BRINP1: variants seen among roughly 807,000 people sequenced by gnomAD.
The protein encoded by BRINP1 is BMP/retinoic acid-inducible neural-specific protein 1.
Under a neutral mutation model 72.9 loss-of-function variants are expected in BRINP1, and 17 were observed. The ratio of observed to expected loss-of-function variants is 0.23; its 90% CI spans 0.16 to 0.35. BRINP1 has a LOEUF of 0.35. Among genes scored for constraint, BRINP1 ranks in the 10% least tolerant of loss-of-function variants. The pLI is 1.00. For missense variants in BRINP1, 850 were observed against 1,001.6 expected (o/e 0.85, Z 2.04); for synonymous variants, 418 against 378.5 (o/e 1.10, Z -1.21).
intron 7 of BRINP1, among the ~76,000 whole-genome samples, chr9:119,199,864 C>T (rs902019882): frequency 5.4e-5 from 8 of 148,532 alleles, no homozygotes; most frequent in Non-Finnish European, 1.0e-4. Flanking sequence ...GAAATAACTT[C>T]AGGATTTGGA....
chr9:119,321,841 A>G (rs1831192254), intron 1 of BRINP1, among the ~76,000 whole-genome samples: 1 of 152,246 alleles, frequency 6.6e-6, no homozygotes, highest in African/African-American at 2.4e-5. Flanking sequence ...GAAATAAAAA[A>G]TTAAGGTGGC....
intron 7 of BRINP1, among the ~76,000 whole-genome samples, chr9:119,197,262 G>C (rs113488562): frequency 6.6e-6 from 1 of 152,138 alleles, no homozygotes; most frequent in Admixed American, 6.5e-5. Flanking sequence ...AAAGTAATCC[G>C]GACAGAGGAA....
intron 5 of BRINP1, among the ~76,000 whole-genome samples, chr9:119,219,822 C>T (rs1197341543): frequency 6.6e-6 from 1 of 152,078 alleles, no homozygotes. Flanking sequence ...GTTAAAAGCA[C>T]TCTCCACTCT....
intron 2 of BRINP1, among the ~76,000 whole-genome samples, chr9:119,286,993 A>T (rs990222489): frequency 1.3e-5 from 2 of 152,154 alleles, no homozygotes; most frequent in Non-Finnish European, 1.5e-5. Flanking sequence ...TTTCCAAATC[A>T]CCAAATAGTC....
At chr9:119,270,988 A>C (rs1368456385) in intron 2 of BRINP1, among the ~76,000 whole-genome samples, 1 of 152,164 alleles carries the variant, frequency 6.6e-6, no homozygotes, top group South Asian at 2.1e-4. Context: ...TAATTATAAG[A>C]AATAAATTAT....
At chr9:119,335,213 G>A (rs762294175) in intron 1 of BRINP1, among the ~76,000 whole-genome samples, 5 of 152,156 alleles carry the variant, frequency 3.3e-5, no homozygotes, top group Non-Finnish European at 7.3e-5. Context: ...GCCAAGTTAC[G>A]TGGTTAGATG....
chr9:119,292,258 G>A (rs895856287), intron 2 of BRINP1, among the ~76,000 whole-genome samples: 1 of 152,168 alleles, frequency 6.6e-6, no homozygotes, highest in Non-Finnish European at 1.5e-5. Context: ...TCTACCCAGT[G>A]TTCTCATACT....
rs1354400364 is a variant in BRINP1, at chr9:119,238,774, C to G, written c.580-14G>C. On this transcript the variant is annotated splice_polypyrimidine_tract_variant and intron_variant, in intron 4 of 7. Transcript: ENST00000265922. ...TGTCTCTGTGACCTGCAGTAGATAT[C>G]AAATAAGATAGGTGTGAGACAGCAG... The G allele has an allele frequency of 9.8e-6, 15 of 1,532,222 alleles. No individual in the cohort carries two copies. The highest frequency in any genetic ancestry group is 1.4e-5 in the African/African-American group (1 of 73,264). The allele number at this position is 1,532,222 out of a possible 1,614,324, so 94.9% of individuals were successfully genotyped here. A position where few individuals can be genotyped will look rare whatever the true frequency, so the allele number is the denominator to read the frequency against.
chr9:119,241,992 A>G (rs1830254750), intron 4 of BRINP1, 55 bp downstream of exon 4: 2 of 1,554,678 alleles, frequency 1.3e-6, no homozygotes, highest in Admixed American at 3.5e-5. Flanking sequence ...GAATGCCTGC[A>G]TTGCAGTGTT....
chr9:119,364,285 G>C lies in BRINP1; in HGVS notation c.-51+4771C>G, dbSNP rs1259401605. 2.0e-5 allele frequency among the ~76,000 whole-genome samples: 3 copies of C among 152,160 alleles called. No individual in the cohort carries two copies. The East Asian group carries it at 5.8e-4, about 29-fold the overall frequency. On this transcript the variant is annotated intron_variant, in intron 1 of 7. Transcript: ENST00000265922. ...GATAGAAGGATGATTTAGGGGCAAA[G>C]TAAGAAAATATTCCAACAAAGCTCT...
At chr9:119,250,288 A>T (rs1024622701) in intron 2 of BRINP1, among the ~76,000 whole-genome samples, 3 of 152,214 alleles carry the variant, frequency 2.0e-5, no homozygotes, top group African/African-American at 7.2e-5. Context: ...ACATGTATTC[A>T]TTGAGCACCT....
chr9:119,200,918 G>A (rs62570363), intron 7 of BRINP1, among the ~76,000 whole-genome samples: 2,517 of 152,100 alleles, frequency 0.017, 34 homozygotes, highest in Middle Eastern at 0.048. Flanking sequence ...AAGGGCTACT[G>A]GGAGTGGGTG....
intron 7 of BRINP1, among the ~76,000 whole-genome samples, chr9:119,169,559 C>T (rs1036304195): frequency 2.0e-5 from 3 of 152,204 alleles, no homozygotes; most frequent in African/African-American, 7.2e-5. Flanking sequence ...GGGGGAGGGG[C>T]GCCCGCCATT....
intron 2 of BRINP1, among the ~76,000 whole-genome samples, chr9:119,259,677 T>C (rs943510131): frequency 2.0e-5 from 3 of 152,230 alleles, no homozygotes; most frequent in Non-Finnish European, 2.9e-5. Flanking sequence ...ATTTTTTCCT[T>C]TCAGATCACA....
intron 2 of BRINP1, among the ~76,000 whole-genome samples, chr9:119,286,333 C>T (rs1010324294): frequency 7.3e-5 from 11 of 151,680 alleles, no homozygotes; most frequent in Admixed American, 5.9e-4. Context: ...CCTGGGTTCA[C>T]GCCATTCTCC....
chr9:119,311,024 T>G (rs1247291542), intron 2 of BRINP1, among the ~76,000 whole-genome samples: 3 of 152,144 alleles, frequency 2.0e-5, no homozygotes, highest in African/African-American at 7.2e-5. Context: ...CAAATCAATG[T>G]TTGTGGTATT....
chr9:119,350,717 T>C (rs1831499087), intron 1 of BRINP1, among the ~76,000 whole-genome samples: 1 of 152,102 alleles, frequency 6.6e-6, no homozygotes, highest in African/African-American at 2.4e-5. Flanking sequence ...ATAAACTCCA[T>C]TTCAAGTACT....
At chr9:119,267,408 G>C (rs1830558180) in intron 2 of BRINP1, among the ~76,000 whole-genome samples, 1 of 152,126 alleles carries the variant, frequency 6.6e-6, no homozygotes, top group Non-Finnish European at 1.5e-5. Context: ...CCTGAGGTGG[G>C]CGGATCACCT....
At chr9:119,307,233 A>C (rs1193663221) in intron 2 of BRINP1, among the ~76,000 whole-genome samples, 1 of 152,046 alleles carries the variant, frequency 6.6e-6, no homozygotes, top group Non-Finnish European at 1.5e-5. Context: ...CGTAGGAAGC[A>C]AAATTATCCC....
Sources: allele counts gnomAD v4.1 joint callset (sites outside exome capture counted in the v4.1 genomes callset), GRCh38; gene constraint gnomAD v4.1.1; transcripts MANE v1.5; gene names NCBI Gene and HGNC (gene_info 2026-07-23, HGNC 2026-07-21).